Variants in BCOR observed in about 807,000 individuals in gnomAD.
BCOR encodes BCL6 corepressor, also known as BCL-6 corepressor.
A neutral mutation model predicts 86.7 loss-of-function variants in BCOR; 10 were observed. The ratio of observed to expected loss-of-function variants is 0.12; its 90% CI spans 0.07 to 0.20. The LOEUF (loss-of-function observed/expected upper bound fraction) is 0.20, where lower values mean the gene tolerates loss of function less well. Ranked by LOEUF, BCOR falls within the 10% of genes least tolerant of loss-of-function variation. BCOR has a pLI of 1.00. For synonymous variants in BCOR, 611 were observed against 609.0 expected (o/e 1.00, Z -0.05); for missense variants, 1,259 against 1,452.1 (o/e 0.87, Z 2.16).
At chrX:40,082,927 G>C (rs1316509578) in intron 1 of BCOR, among the ~76,000 whole-genome samples, 1 of 111,190 alleles carries the variant, frequency 9.0e-6, no homozygotes, top group Non-Finnish European at 1.9e-5. Context: ...GGCAGCAACA[G>C]AGAGGGGATC....
At chrX:40,176,525 C>T (rs1938757844) in intron 1 of BCOR, among the ~76,000 whole-genome samples, 1 of 112,806 alleles carries the variant, frequency 8.9e-6, no homozygotes, top group Non-Finnish European at 1.9e-5. Context: ...GGGGTTCAGA[C>T]GCCCTCGCAG....
intron 1 of BCOR, among the ~76,000 whole-genome samples, chrX:40,079,619 G>A (rs945251616): frequency 8.9e-6 from 1 of 112,287 alleles, no homozygotes; most frequent in African/African-American, 3.2e-5. Flanking sequence ...GAAATCTGCA[G>A]AGGCATCAGG....
At chrX:40,052,714 G>A (rs774536794) in intron 14 of BCOR, among the ~76,000 whole-genome samples, 9 of 109,374 alleles carry the variant, frequency 8.2e-5, no homozygotes, top group South Asian at 4.0e-4. Flanking sequence ...ACAGGGGCCC[G>A]CCACCATGCC....
rs1387358587 is a variant in BCOR, at chrX:40,139,494, TATA to T, written c.-41+37510_-41+37512del. ...ATATATATATATATATATATATATA[TATA>T]TTTTTTTTTTTTTTTAAGCATCAGC... On this transcript the variant is annotated intron_variant, in intron 1 of 14. Transcript: ENST00000342274. Among the ~76,000 whole-genome samples, 81 of 11,095 alleles carry T rather than the reference TATA, an allele frequency of 7.3e-3. 8 individuals are homozygous for T. The highest frequency in any genetic ancestry group is 8.9e-3 in the Non-Finnish European group (63 of 7,081). 9.6% of individuals were successfully genotyped at this position (11,095 alleles called of 115,157 possible). A position where few individuals can be genotyped will look rare whatever the true frequency, so the allele number is the denominator to read the frequency against.
intron 1 of BCOR, among the ~76,000 whole-genome samples, chrX:40,155,589 G>A (rs988275483): frequency 2.7e-5 from 3 of 110,541 alleles, no homozygotes; most frequent in African/African-American, 6.6e-5. Context: ...TGGACGCGAG[G>A]AGACCCCACT....
At chrX:40,162,032 G>A (rs965447317) in intron 1 of BCOR, among the ~76,000 whole-genome samples, 1 of 111,518 alleles carries the variant, frequency 9.0e-6, no homozygotes, top group South Asian at 3.8e-4. Context: ...AATAACTTAC[G>A]AACCAGTGCC....
At chrX:40,110,667 CTTTTTTTTTTTTTTTTTTTTT>C (rs546960508) in intron 1 of BCOR, among the ~76,000 whole-genome samples, 16 of 29,541 alleles carry the variant, frequency 5.4e-4, no homozygotes, top group Non-Finnish European at 9.6e-4. Context: ...TTTCCTTTTT[CTTTTTTTTTTTTTTTTTTTTT>C]TTTTTTTTTT....
At position 40,118,060 on chromosome X, in the gene BCOR, A is replaced by G. The variant is rs6610388; in HGVS notation, c.-40-40091T>C. Among the ~76,000 whole-genome samples, 702 of 88,961 alleles carry G rather than the reference A, an allele frequency of 7.9e-3. 30 individuals carry two copies. In the East Asian group the frequency reaches 0.17, roughly 22 times the overall value. The allele number at this position is 88,961 out of a possible 115,157, so 77.3% of individuals were successfully genotyped here. A position where few individuals can be genotyped will look rare whatever the true frequency, so the allele number is the denominator to read the frequency against. On this transcript the variant is annotated intron_variant, in intron 1 of 14. Transcript: ENST00000342274. ...CACAGGCACAGAGAAGTCTTTCTGG[A>G]TGACTGAGATAATAGAACTGAAATT...
chrX:40,053,147 A>G (rs1758647934), intron 14 of BCOR, among the ~76,000 whole-genome samples: 1 of 112,110 alleles, frequency 8.9e-6, no homozygotes, highest in African/African-American at 3.2e-5. Flanking sequence ...CTGTCTCTCC[A>G]TTCAGGCATG....
Position 40,074,113 on chromosome X carries a change from C to T in BCOR, c.1233G>A (p.Arg411=), listed in dbSNP as rs998084211. The T allele has an allele frequency of 2.5e-6, 3 of 1,210,849 alleles. No individual in the cohort carries two copies. The African/African-American group carries it at 5.2e-5, about 21-fold the overall frequency. The change falls in exon 4 of 15, where the codon CGG becomes CGA. Residue 411 remains arginine, a synonymous_variant. Coordinates refer to ENST00000378444, the MANE Select transcript of BCOR (RefSeq NM_001123385.2). ...CTTTTCTGTCTTGAACCGCTGTCTT[C>T]CGGGCATGCCCGGGCACTGGCTGGG... ...EGAQPVPGHA[R]KTAVQDRKDG...
intron 14 of BCOR, among the ~76,000 whole-genome samples, chrX:40,053,262 G>A (rs1185098566): frequency 1.8e-5 from 2 of 111,988 alleles, no homozygotes; most frequent in African/African-American, 6.5e-5. Context: ...ATCACTGTTT[G>A]TAATGGCATA....
chrX:40,120,266 G>A (rs1323852640), intron 1 of BCOR, among the ~76,000 whole-genome samples: 6 of 111,142 alleles, frequency 5.4e-5, no homozygotes. Flanking sequence ...CGCTATGCCC[G>A]GAGCAGACAC....
chrX:40,160,017 A>G (rs1016446225), intron 1 of BCOR, among the ~76,000 whole-genome samples: 1 of 112,786 alleles, frequency 8.9e-6, no homozygotes, highest in African/African-American at 3.2e-5. Context: ...TTAGTAAGGC[A>G]TTGTGCTCTA....
At chrX:40,118,913 AT>A (rs1295300195) in intron 1 of BCOR, among the ~76,000 whole-genome samples, 1 of 112,091 alleles carries the variant, frequency 8.9e-6, no homozygotes, top group African/African-American at 3.2e-5. Flanking sequence ...GCTCACTGCA[AT>A]CTCTGCCTCC....
At chrX:40,143,865 G>A (rs771619918) in intron 1 of BCOR, among the ~76,000 whole-genome samples, 9 of 112,494 alleles carry the variant, frequency 8.0e-5, no homozygotes, top group Non-Finnish European at 1.7e-4. Flanking sequence ...GCTGACACAG[G>A]AGAATCGCTT....
At chrX:40,112,295 A>AT (rs958910744) in intron 1 of BCOR, among the ~76,000 whole-genome samples, 10 of 106,549 alleles carry the variant, frequency 9.4e-5, no homozygotes, top group African/African-American at 2.4e-4. Context: ...GATGACTTAC[A>AT]TTTTTTTTTT....
At chrX:40,085,123 A>G (rs914432723) in intron 1 of BCOR, among the ~76,000 whole-genome samples, 1 of 113,364 alleles carries the variant, frequency 8.8e-6, no homozygotes. Flanking sequence ...TGCCCCGAAC[A>G]GCGCTGAGCA....
At chrX:40,144,380 C>T (rs1049901238) in intron 1 of BCOR, among the ~76,000 whole-genome samples, 1 of 111,571 alleles carries the variant, frequency 9.0e-6, no homozygotes, top group Non-Finnish European at 1.9e-5. Context: ...GAAAACGGTG[C>T]TCGCCTTTGA....
chrX:40,145,437 C>T (rs1374550399), intron 1 of BCOR, among the ~76,000 whole-genome samples: 1 of 111,711 alleles, frequency 9.0e-6, no homozygotes, highest in Non-Finnish European at 1.9e-5. Flanking sequence ...GGCTGAATCC[C>T]CCTCCCCCAC....
Sources: allele counts gnomAD v4.1 joint callset (sites outside exome capture counted in the v4.1 genomes callset), GRCh38; gene constraint gnomAD v4.1.1; transcripts MANE v1.5; gene names NCBI Gene and HGNC (gene_info 2026-07-23, HGNC 2026-07-21).